CACNA2D3: variants seen among roughly 807,000 people sequenced by gnomAD.
CACNA2D3 encodes voltage-dependent calcium channel subunit alpha-2/delta-3.
Under a neutral mutation model 160.6 loss-of-function variants are expected in CACNA2D3, and 60 were observed. The observed-to-expected ratio is 0.37, with a 90% CI of 0.30 to 0.46. The LOEUF is 0.46. CACNA2D3 is among the 20% of genes least tolerant of loss of function. The probability of loss-of-function intolerance (pLI) is 1.00; values close to 1 mark genes in which losing one functional copy is unlikely to be tolerated. For synonymous variants in CACNA2D3, 558 were observed against 492.9 expected, an observed-to-expected ratio of 1.13 and a Z score of -1.75; for missense variants, 1,205 against 1,365.0, an observed-to-expected ratio of 0.88 and a Z score of 1.85.
At chr3:54,780,642 C>A (rs1214005770) in intron 13 of CACNA2D3, among the ~76,000 whole-genome samples, 1 of 152,186 alleles carries the variant, frequency 6.6e-6, no homozygotes, top group East Asian at 1.9e-4. Flanking sequence ...TAAATGCTCT[C>A]TGCTTTTAAT....
At chr3:54,801,380 C>A (rs1702983361) in intron 13 of CACNA2D3, among the ~76,000 whole-genome samples, 1 of 152,090 alleles carries the variant, frequency 6.6e-6, no homozygotes, top group Admixed American at 6.5e-5. Flanking sequence ...TAACTTGGGA[C>A]AACTTTTCTT....
intron 4 of CACNA2D3, among the ~76,000 whole-genome samples, chr3:54,462,970 G>A (rs1700536166): frequency 6.7e-6 from 1 of 149,930 alleles, no homozygotes; most frequent in Admixed American, 6.7e-5. Context: ...GGGCAGGCCT[G>A]GTGGTGACAA....
intron 13 of CACNA2D3, among the ~76,000 whole-genome samples, chr3:54,805,747 CA>C (rs961894088): frequency 6.6e-6 from 1 of 151,946 alleles, no homozygotes; most frequent in African/African-American, 2.4e-5. Context: ...GAGACACAAC[CA>C]AAAAAGAGAA....
chr3:54,763,772 T>C lies in CACNA2D3; in HGVS notation c.1247-446T>C, dbSNP rs1179626388. Among the ~76,000 whole-genome samples the C allele has an allele frequency of 1.1e-3, 63 of 56,816 alleles. 2 individuals carry two copies. Among genetic ancestry groups the C allele is most frequent in the East Asian group, 8.4e-3 (14 of 1,674 alleles). The allele number at this position is 56,816 out of a possible 152,430, so 37.3% of individuals were successfully genotyped here. A position where few individuals can be genotyped will look rare whatever the true frequency, so the allele number is the denominator to read the frequency against. On this transcript the variant is annotated intron_variant, in intron 12 of 37. Coordinates refer to ENST00000474759, the MANE Select transcript of CACNA2D3 (RefSeq NM_018398.3). The stretch of plus-strand genomic sequence containing the variant: ...GCATATATATACACATATATATGTA[T>C]ATATGTACATATATATGTATATATA...
intron 27 of CACNA2D3, among the ~76,000 whole-genome samples, chr3:54,925,540 C>T (rs1575380447): frequency 6.6e-6 from 1 of 152,078 alleles, no homozygotes; most frequent in Non-Finnish European, 1.5e-5. Context: ...GTGTATATGC[C>T]GTTTGTAGGC....
At chr3:54,173,185 T>C (rs1202641730) in intron 2 of CACNA2D3, among the ~76,000 whole-genome samples, 1 of 152,182 alleles carries the variant, frequency 6.6e-6, no homozygotes. Flanking sequence ...GAGAAAACTG[T>C]TTAATTTGTT....
At chr3:54,288,654 A>G (rs1388946065) in intron 2 of CACNA2D3, among the ~76,000 whole-genome samples, 4 of 152,196 alleles carry the variant, frequency 2.6e-5, no homozygotes, top group Admixed American at 2.6e-4. Flanking sequence ...CTTGATGAAC[A>G]TTGATGCAAA....
intron 12 of CACNA2D3, 131 bp from the exon 13 acceptor site, chr3:54,764,087 G>T: frequency 1.1e-6 from 1 of 924,726 alleles, no homozygotes; most frequent in South Asian, 1.7e-5. Context: ...AAAAATGGGG[G>T]AGAGGAGCTA....
At chr3:54,128,636 T>C (rs1202529488) in intron 2 of CACNA2D3, among the ~76,000 whole-genome samples, 2 of 152,204 alleles carry the variant, frequency 1.3e-5, no homozygotes, top group African/African-American at 2.4e-5. Context: ...ATCTCCTCTG[T>C]CAGACATGAG....
intron 2 of CACNA2D3, among the ~76,000 whole-genome samples, chr3:54,194,821 C>A (rs145139885): frequency 6.6e-6 from 1 of 152,194 alleles, no homozygotes; most frequent in African/African-American, 2.4e-5. Flanking sequence ...GCAAAGCCCT[C>A]ATGATTTAAT....
At chr3:54,728,085 C>T (rs1701311627) in intron 11 of CACNA2D3, among the ~76,000 whole-genome samples, 1 of 151,998 alleles carries the variant, frequency 6.6e-6, no homozygotes, top group East Asian at 1.9e-4. Context: ...ATTTATTTTA[C>T]TTGGAGTGTG....
intron 4 of CACNA2D3, among the ~76,000 whole-genome samples, chr3:54,494,840 G>C (rs1195035802): frequency 6.6e-6 from 1 of 152,274 alleles, no homozygotes; most frequent in Admixed American, 6.5e-5. Flanking sequence ...GAGAGGGAGA[G>C]AGAGAGAGCA....
rs1325234256 is a variant in CACNA2D3 at position 54,626,696 on chromosome 3, AAAAAAAAAAAAAAG to A, written c.964-1087_964-1074del. 1.4e-5 allele frequency: 10 copies of A among 730,698 alleles called. No individual in the cohort carries two copies. The African/African-American group carries it at 1.6e-4, about 11-fold the overall frequency. The allele number at this position is 730,698 out of a possible 1,614,324, so 45.3% of individuals were successfully genotyped here. A position where few individuals can be genotyped will look rare whatever the true frequency, so the allele number is the denominator to read the frequency against. On this transcript the variant is annotated intron_variant, in intron 9 of 37. Coordinates refer to ENST00000474759, the MANE Select transcript of CACNA2D3 (RefSeq NM_018398.3). ...ACATGGTTCCAGTCAAAAAAAAAAA[AAAAAAAAAAAAAAG>A]AAAGAAAAAGAAAGGGGTTCGGAAT...
rs769882130 is a variant in CACNA2D3 at position 55,074,098 on chromosome 3, C to T, written c.3184-16C>T. 1.9e-6 allele frequency: 3 copies of T among 1,607,574 alleles called. No individual in the cohort carries two copies. The highest frequency in any genetic ancestry group is 2.6e-6 in the Non-Finnish European group (3 of 1,174,072). On this transcript the variant is annotated splice_polypyrimidine_tract_variant and intron_variant, in intron 37 of 37. Transcript: ENST00000474759. ...GAGTCTATTTCCGTCTAACCAACCC[C>T]TGCCTTTCCCCATAGGAGAATGCAA...
chr3:54,946,856 T>A (rs9311545), intron 27 of CACNA2D3, among the ~76,000 whole-genome samples: 2,334 of 152,152 alleles, frequency 0.015, 56 homozygotes, highest in African/African-American at 0.054. Context: ...AGTCCCTGAC[T>A]GAGAGTACTC....
rs550645499 is a variant in CACNA2D3 at position 54,918,343 on chromosome 3, T to C, written c.2449+18475T>C. ...CATCTTTTTTTTTTCTTTTTTTTTTTTTTTTTTTTTTTGTCTTTTGGCAAA... is the reference window on the plus strand; with the variant it reads ...CATCTTTTTTTTTTCTTTTTTTTTTCTTTTTTTTTTTTGTCTTTTGGCAAA... On this transcript the variant is annotated intron_variant, in intron 27 of 37. Coordinates refer to ENST00000474759, the MANE Select transcript of CACNA2D3 (RefSeq NM_018398.3). 8.7e-4 allele frequency: 332 copies of C among 381,294 alleles called. 4 individuals are homozygous for C. The highest frequency in any genetic ancestry group is 5.6e-3 in the East Asian group (104 of 18,456). 23.6% of individuals were successfully genotyped at this position (381,294 alleles called of 1,614,324 possible).
chr3:54,183,746 A>G (rs1700825945), intron 2 of CACNA2D3, among the ~76,000 whole-genome samples: 1 of 151,726 alleles, frequency 6.6e-6, no homozygotes, highest in Non-Finnish European at 1.5e-5. Flanking sequence ...TTAGCCGGAC[A>G]TGGTGGCGCA....
rs560606749 is a variant in CACNA2D3, at chr3:54,925,034, G to T, written c.2449+25166G>T. The stretch of plus-strand genomic sequence containing the variant: ...ACCTAAATGCAAAAGCAGGAAGATG[G>T]TGTATCTGATTATCTTGTAAATGCA... On this transcript the variant is annotated intron_variant, in intron 27 of 37. Coordinates refer to ENST00000474759, the MANE Select transcript of CACNA2D3 (RefSeq NM_018398.3). The T allele has an allele frequency of 3.5e-5, 57 of 1,614,006 alleles. No homozygotes were observed. In the Admixed American group the frequency reaches 5.8e-4, roughly 17 times the overall value.
chr3:54,545,369 AT>A (rs1258178266), intron 5 of CACNA2D3, among the ~76,000 whole-genome samples: 1 of 152,120 alleles, frequency 6.6e-6, no homozygotes, highest in East Asian at 1.9e-4. Flanking sequence ...GTCATATATC[AT>A]TTTTGTAGCA....
Sources: allele counts gnomAD v4.1 joint callset (sites outside exome capture counted in the v4.1 genomes callset), GRCh38; gene constraint gnomAD v4.1.1; transcripts MANE v1.5; gene names NCBI Gene and HGNC (gene_info 2026-07-23, HGNC 2026-07-21).